DRC8: variants seen among roughly 807,000 people sequenced by gnomAD.
The protein encoded by DRC8 is dynein regulatory complex protein 8.
At chr1:245,015,235 G>A in the DRC8 span, among the ~76,000 whole-genome samples, 3 of 152,266 alleles carry the variant, frequency 2.0e-5, no homozygotes, top group East Asian at 5.8e-4. Context: ...TCCTGCCTGG[G>A]CCTACCAAAC....
chr1:245,005,435 C>T, the DRC8 span, among the ~76,000 whole-genome samples: 1 of 151,580 alleles, frequency 6.6e-6, no homozygotes, highest in Admixed American at 6.6e-5. Context: ...ACTGTAACCT[C>T]TGCCTCCCAG....
the DRC8 span, among the ~76,000 whole-genome samples, chr1:244,971,674 C>A: frequency 1.2e-4 from 19 of 152,214 alleles, no homozygotes; most frequent in East Asian, 3.7e-3. Flanking sequence ...CAGCATAGAA[C>A]CAAGTGTGGT....
At chr1:245,056,286 C>T in the DRC8 span, among the ~76,000 whole-genome samples, 1 of 152,080 alleles carries the variant, frequency 6.6e-6, no homozygotes, top group African/African-American at 2.4e-5. Context: ...ATTTCCATAC[C>T]TTACATTTGC....
the DRC8 span, among the ~76,000 whole-genome samples, chr1:244,971,764 C>T: frequency 2.0e-5 from 3 of 152,072 alleles, no homozygotes; most frequent in African/African-American, 4.8e-5. Flanking sequence ...CACAGAAAAT[C>T]GGCGAAGAAA....
chr1:244,988,022 CT>C, the DRC8 span, among the ~76,000 whole-genome samples: 3 of 152,028 alleles, frequency 2.0e-5, no homozygotes, highest in Admixed American at 2.0e-4. Context: ...TTAAGTTTAA[CT>C]TTTTTTGTTG....
chr1:245,101,959 A>G, the DRC8 span, among the ~76,000 whole-genome samples: 2 of 152,180 alleles, frequency 1.3e-5, no homozygotes, highest in African/African-American at 4.8e-5. Flanking sequence ...GACGTTATCA[A>G]TCTTTTGTGA....
the DRC8 span, among the ~76,000 whole-genome samples, chr1:244,999,207 A>T: frequency 1.3e-5 from 2 of 151,398 alleles, no homozygotes; most frequent in African/African-American, 4.8e-5. Flanking sequence ...AATGGGGAGA[A>T]GTCTGCCTTT....
the DRC8 span, among the ~76,000 whole-genome samples, chr1:244,972,830 A>G: frequency 6.6e-6 from 1 of 151,836 alleles, no homozygotes; most frequent in African/African-American, 2.4e-5. Context: ...AAAAAAAAAA[A>G]CAAAAACAAA....
At chr1:244,984,138 G>T in the DRC8 span, among the ~76,000 whole-genome samples, 2 of 151,388 alleles carry the variant, frequency 1.3e-5, no homozygotes, top group African/African-American at 4.9e-5. Flanking sequence ...TGGGGGGGGG[G>T]AATAATTTTG....
chr1:245,043,657 A>G, the DRC8 span, among the ~76,000 whole-genome samples: 2 of 152,134 alleles, frequency 1.3e-5, no homozygotes, highest in Non-Finnish European at 2.9e-5. Context: ...TTTTGTGTAC[A>G]TGGTAGAATA....
the DRC8 span, among the ~76,000 whole-genome samples, chr1:244,997,954 A>T: frequency 1.3e-5 from 1 of 77,226 alleles, no homozygotes; most frequent in Non-Finnish European, 2.5e-5. Flanking sequence ...CTCTTTTCTC[A>T]GTTTTCTGTC....
the DRC8 span, among the ~76,000 whole-genome samples, chr1:245,048,292 A>G: frequency 2.6e-5 from 4 of 152,314 alleles, no homozygotes; most frequent in South Asian, 8.3e-4. Context: ...AGGGTCTCCA[A>G]GTTTCTGAAG....
At chr1:245,102,434 C>G in the DRC8 span, among the ~76,000 whole-genome samples, 3 of 152,092 alleles carry the variant, frequency 2.0e-5, no homozygotes, top group Non-Finnish European at 4.4e-5. Flanking sequence ...ACTGCAGCCT[C>G]CACCTCCTAG....
At chr1:245,010,983 G>T in the DRC8 span, among the ~76,000 whole-genome samples, 1 of 152,006 alleles carries the variant, frequency 6.6e-6, no homozygotes, top group Non-Finnish European at 1.5e-5. Flanking sequence ...GCCCAGCCTT[G>T]AGTATCCCTT....
the DRC8 span, among the ~76,000 whole-genome samples, chr1:245,093,806 A>C: frequency 6.6e-6 from 1 of 152,198 alleles, no homozygotes; most frequent in Non-Finnish European, 1.5e-5. Context: ...ATAGCACACT[A>C]TGAAAATCGG....
the DRC8 span, among the ~76,000 whole-genome samples, chr1:245,045,290 G>A: frequency 1.3e-4 from 20 of 152,244 alleles, no homozygotes; most frequent in African/African-American, 4.6e-4. Flanking sequence ...GATCACAGGT[G>A]TGAGCCACCT....
the DRC8 span, among the ~76,000 whole-genome samples, chr1:245,028,777 C>T: frequency 1.3e-5 from 2 of 152,220 alleles, no homozygotes; most frequent in African/African-American, 4.8e-5. Context: ...GTCCCTGTAA[C>T]TCTTTTCCAC....
chr1:245,000,607 C>T, the DRC8 span, among the ~76,000 whole-genome samples: 3 of 151,912 alleles, frequency 2.0e-5, no homozygotes, highest in South Asian at 2.1e-4. Flanking sequence ...GGTGAAACCC[C>T]GTCTCTACTA....
chr1:245,104,941 C>T, the DRC8 span, among the ~76,000 whole-genome samples: 21 of 152,234 alleles, frequency 1.4e-4, no homozygotes, highest in East Asian at 4.1e-3. Context: ...TTTAACTTTC[C>T]CTCCCCTTTT....
Sources: allele counts gnomAD v4.1 joint callset (sites outside exome capture counted in the v4.1 genomes callset), GRCh38; gene constraint gnomAD v4.1.1; transcripts MANE v1.5; gene names NCBI Gene and HGNC (gene_info 2026-07-23, HGNC 2026-07-21).